Variants in CYLD observed in about 807,000 individuals in gnomAD.
CYLD encodes ubiquitin carboxyl-terminal hydrolase CYLD.
A neutral mutation model predicts 104.5 loss-of-function variants in CYLD; 26 were observed. That is an observed-to-expected ratio of 0.25 (90% confidence interval 0.18 to 0.35). The LOEUF is 0.35. CYLD is among the 10% of genes least tolerant of loss of function. CYLD has a pLI of 1.00. For missense variants in CYLD, 703 were observed against 1,136.1 expected (o/e 0.62, Z 5.48); for synonymous variants, 385 against 399.9 (o/e 0.96, Z 0.45).
At chr16:50,793,726 A>C in intron 17 of CYLD, 62 bp downstream of exon 17, 1 of 1,076,254 alleles carries the variant, frequency 9.3e-7, no homozygotes, top group Non-Finnish European at 1.4e-6. Context: ...TATAGTTGAA[A>C]ACACAATGCT....
intron 4 of CYLD, among the ~76,000 whole-genome samples, chr16:50,753,597 G>T (rs1171476682): frequency 6.6e-6 from 1 of 152,200 alleles, no homozygotes; most frequent in Non-Finnish European, 1.5e-5. Flanking sequence ...GCAAATGCTA[G>T]AACTTCTTTC....
chr16:50,791,959 C>A (rs1971473898), intron 15 of CYLD, among the ~76,000 whole-genome samples: 1 of 152,156 alleles, frequency 6.6e-6, no homozygotes, highest in South Asian at 2.1e-4. Context: ...TAGTTTAAAG[C>A]AAAAGGAGAC....
At chr16:50,774,048 C>G (rs1969414425) in intron 5 of CYLD, among the ~76,000 whole-genome samples, 1 of 152,192 alleles carries the variant, frequency 6.6e-6, no homozygotes. Flanking sequence ...AGGCTACCTT[C>G]AAAGCCTAAC....
At position 50,775,203 on chromosome 16, in the gene CYLD, C is replaced by T. The variant is rs752886308; in HGVS notation, c.922+29C>T. ...TGACTCCTAAGTGTCGTGTTGGACT[C>T]CACGGATGTATTGTTGAATTTTTCA... On this transcript the variant is annotated intron_variant, in intron 6 of 18. Transcript: ENST00000427738. 6 of 1,584,466 alleles carry T rather than the reference C, an allele frequency of 3.8e-6. No homozygotes were observed. In the South Asian group the frequency reaches 6.7e-5, roughly 18 times the overall value.
intron 5 of CYLD, among the ~76,000 whole-genome samples, chr16:50,756,313 A>G (rs974344641): frequency 6.6e-6 from 1 of 152,226 alleles, no homozygotes; most frequent in African/African-American, 2.4e-5. Context: ...AGCTTGGTTT[A>G]AACTAGAAGG....
At chr16:50,786,496 A>T (rs1309453124) in intron 12 of CYLD, 1 of 195,222 alleles carries the variant, frequency 5.1e-6, no homozygotes, top group African/African-American at 2.4e-5. Context: ...GTGGTGGCGC[A>T]CACCTGTAAT....
At chr16:50,775,321 G>C (rs1403343698) in intron 6 of CYLD, 147 bp downstream of exon 6, 2 of 541,924 alleles carry the variant, frequency 3.7e-6, no homozygotes, top group African/African-American at 3.9e-5. Context: ...GGTCTAGAGT[G>C]GTCTTTGTAT....
At chr16:50,787,282 C>G (rs56252899) in intron 13 of CYLD, 1 of 316,852 alleles carries the variant, frequency 3.2e-6, no homozygotes, top group Non-Finnish European at 5.9e-6. Flanking sequence ...CATTTTCCCA[C>G]TGAGTCTTCC....
chr16:50,756,583 C>T (rs1967268556), intron 5 of CYLD, among the ~76,000 whole-genome samples: 1 of 152,082 alleles, frequency 6.6e-6, no homozygotes, highest in African/African-American at 2.4e-5. Flanking sequence ...CAGTTTCATC[C>T]CCCTGCTGTT....
At chr16:50,752,447 A>G (rs867834581) in intron 4 of CYLD, among the ~76,000 whole-genome samples, 1 of 152,184 alleles carries the variant, frequency 6.6e-6, no homozygotes, top group African/African-American at 2.4e-5. Context: ...AACCACATTG[A>G]TTTTGAGGAA....
chr16:50,791,516 G>T lies in CYLD; in HGVS notation c.2109-42G>T. On this transcript the variant is annotated intron_variant, in intron 14 of 18. Coordinates refer to ENST00000427738, the MANE Select transcript of CYLD (RefSeq NM_001378743.1). ...ACTTAACATTTTGATTTAAGCATTT[G>T]ATAAATAGGTTGTATGTATTTTTTT... 1.9e-6 allele frequency: 3 copies of T among 1,610,222 alleles called. No individual in the cohort carries two copies. The South Asian group carries it at 3.3e-5, about 18-fold the overall frequency.
At chr16:50,777,264 T>A (rs1047827453) in intron 7 of CYLD, among the ~76,000 whole-genome samples, 3 of 152,170 alleles carry the variant, frequency 2.0e-5, no homozygotes, top group African/African-American at 7.2e-5. Context: ...GTGGCATAGC[T>A]ACACTCGCCC....
chr16:50,787,700 T>C (rs2151018021), intron 13 of CYLD, 86 bp from the exon 14 acceptor site: 1 of 702,450 alleles, frequency 1.4e-6, no homozygotes, highest in Non-Finnish European at 2.5e-6. Context: ...CTGAATTCAG[T>C]ATTAAAATTT....
intron 2 of CYLD, among the ~76,000 whole-genome samples, chr16:50,748,623 AT>A (rs1421104338): frequency 6.6e-6 from 1 of 152,210 alleles, no homozygotes; most frequent in Non-Finnish European, 1.5e-5. Context: ...ATGCAGTTAT[AT>A]CATGATATTC....
rs1966655678 is a variant in CYLD at position 50,751,948 on chromosome 16, T to C, written c.807+42T>C. ...TTAAATATCTTTGTGATATATATAT[T>C]AGTTTATATATATATGTATATATAT... On this transcript the variant is annotated intron_variant, in intron 4 of 18. Transcript: ENST00000427738. 3 of 859,140 alleles carry C rather than the reference T, an allele frequency of 3.5e-6. No individual in the cohort carries two copies. The African/African-American group carries it at 5.3e-5, about 15-fold the overall frequency. 53.2% of individuals were successfully genotyped at this position (859,140 alleles called of 1,614,324 possible). A position where few individuals can be genotyped will look rare whatever the true frequency, so the allele number is the denominator to read the frequency against.
chr16:50,754,978 TAC>T lies in CYLD; in HGVS notation c.913+556_913+557del, dbSNP rs1314042899. On this transcript the variant is annotated intron_variant, in intron 5 of 18. Coordinates refer to ENST00000427738, the MANE Select transcript of CYLD (RefSeq NM_001378743.1). ...ATATACATATACACACATATATGTATACATATATACATATATATGTATATATA... is the reference window on the plus strand; with the variant it reads ...ATATACATATACACACATATATGTATATATATACATATATATGTATATATA... Among the ~76,000 whole-genome samples, 227 of 128,596 alleles carry T rather than the reference TAC, an allele frequency of 1.8e-3. 1 individual carries two copies. The highest frequency in any genetic ancestry group is 3.9e-3 in the Middle Eastern group (1 of 256). The allele number at this position is 128,596 out of a possible 152,430, so 84.4% of individuals were successfully genotyped here. A position where few individuals can be genotyped will look rare whatever the true frequency, so the allele number is the denominator to read the frequency against.
chr16:50,742,483 A>C lies in CYLD; in HGVS notation c.-203-279A>C, dbSNP rs1189338056. On this transcript the variant is annotated intron_variant, in intron 1 of 18. Coordinates refer to ENST00000427738, the MANE Select transcript of CYLD (RefSeq NM_001378743.1). ...CCGGGGAGCGTGCGGGGTCGCCACC[A>C]TCGGGACCCCCAGAGGAGAGAGGAC... The C allele has an allele frequency of 4.5e-5, 13 of 286,150 alleles. No individual in the cohort carries two copies. In the Admixed American group the frequency reaches 6.3e-4, roughly 14 times the overall value. 17.7% of individuals were successfully genotyped at this position (286,150 alleles called of 1,614,324 possible). A position where few individuals can be genotyped will look rare whatever the true frequency, so the allele number is the denominator to read the frequency against.
At position 50,796,911 on chromosome 16, in the gene CYLD, T is replaced by C. The variant is rs886052052; in HGVS notation, c.*403T>C. ...AGGATATGAAATCATTTTTCTTTTG[T>C]AGCTAACGGTTGCCTTGAGGAAGAA... On this transcript the variant is annotated 3_prime_UTR_variant, in exon 19 of 19. Transcript: ENST00000427738. 6.3e-6 allele frequency: 2 copies of C among 317,466 alleles called. No individual in the cohort carries two copies. The highest frequency in any genetic ancestry group is 2.1e-5 in the African/African-American group (1 of 47,450). The allele number at this position is 317,466 out of a possible 1,614,324, so 19.7% of individuals were successfully genotyped here. A position where few individuals can be genotyped will look rare whatever the true frequency, so the allele number is the denominator to read the frequency against.
At chr16:50,786,499 C>T (rs1970834105) in intron 12 of CYLD, 1 of 221,948 alleles carries the variant, frequency 4.5e-6, no homozygotes, top group South Asian at 6.2e-5. Context: ...GTGGCGCACA[C>T]CTGTAATCCC....
Sources: allele counts gnomAD v4.1 joint callset (sites outside exome capture counted in the v4.1 genomes callset), GRCh38; gene constraint gnomAD v4.1.1; transcripts MANE v1.5; gene names NCBI Gene and HGNC (gene_info 2026-07-23, HGNC 2026-07-21).